Variants in SLC35F1 observed in about 807,000 individuals in gnomAD.
SLC35F1 encodes solute carrier family 35 member F1.
SLC35F1 carries 14 observed loss-of-function variants against 48.7 expected under a neutral mutation model. The observed-to-expected ratio is 0.29, with a 90% CI of 0.19 to 0.45. The LOEUF is 0.45. Among genes scored for constraint, SLC35F1 ranks in the 20% least tolerant of loss-of-function variants. The probability of loss-of-function intolerance (pLI) is 1.00; values close to 1 mark genes in which losing one functional copy is unlikely to be tolerated. For missense variants in SLC35F1, 404 were observed against 500.0 expected (o/e 0.81, Z 1.83); for synonymous variants, 190 against 202.2 (o/e 0.94, Z 0.51).
chr6:117,919,956 A>G (rs1040541401), intron 1 of SLC35F1, among the ~76,000 whole-genome samples: 7 of 152,138 alleles, frequency 4.6e-5, no homozygotes, highest in Non-Finnish European at 1.0e-4. Flanking sequence ...TGGGCCTAAA[A>G]GGCTCCACAG....
intron 1 of SLC35F1, among the ~76,000 whole-genome samples, chr6:118,131,783 A>ATATT (rs1773715784): frequency 1.3e-5 from 2 of 151,326 alleles, no homozygotes; most frequent in Admixed American, 6.6e-5. Context: ...TATACTAATT[A>ATATT]TATTATATTA....
At chr6:118,313,526 A>G (rs1004704187) in intron 7 of SLC35F1, among the ~76,000 whole-genome samples, 1 of 152,224 alleles carries the variant, frequency 6.6e-6, no homozygotes, top group Non-Finnish European at 1.5e-5. Flanking sequence ...GTCAGTAACA[A>G]TTCCTCTTAG....
intron 2 of SLC35F1, among the ~76,000 whole-genome samples, chr6:118,221,318 C>A (rs959673817): frequency 6.6e-6 from 1 of 152,122 alleles, no homozygotes; most frequent in African/African-American, 2.4e-5. Flanking sequence ...AGCACAAGGG[C>A]AAGGCACCTC....
intron 1 of SLC35F1, among the ~76,000 whole-genome samples, chr6:117,963,083 A>G (rs1156791080): frequency 6.6e-6 from 1 of 152,162 alleles, no homozygotes; most frequent in East Asian, 1.9e-4. Flanking sequence ...AACACTTGCC[A>G]ATTTCCGTGA....
chr6:118,154,172 G>A (rs530044180), intron 1 of SLC35F1, among the ~76,000 whole-genome samples: 7 of 152,114 alleles, frequency 4.6e-5, no homozygotes, highest in South Asian at 2.1e-4. Context: ...AGGCTCTTTC[G>A]GAGAGATTTG....
chr6:117,926,548 G>A (rs1275555442), intron 1 of SLC35F1, among the ~76,000 whole-genome samples: 2 of 152,100 alleles, frequency 1.3e-5, no homozygotes, highest in African/African-American at 2.4e-5. Flanking sequence ...GCACATATGT[G>A]GTGGCAGTGG....
At chr6:118,104,297 G>A (rs1773299391) in intron 1 of SLC35F1, among the ~76,000 whole-genome samples, 1 of 152,112 alleles carries the variant, frequency 6.6e-6, no homozygotes, top group African/African-American at 2.4e-5. Flanking sequence ...TCTAGAATAA[G>A]TCTGAACAGG....
intron 1 of SLC35F1, among the ~76,000 whole-genome samples, chr6:118,132,590 TAATA>T (rs1773731083): frequency 6.6e-6 from 1 of 152,246 alleles, no homozygotes; most frequent in South Asian, 2.1e-4. Context: ...AGTAAATGCT[TAATA>T]AATGTTAACT....
chr6:118,173,413 A>G (rs573880045), intron 2 of SLC35F1, among the ~76,000 whole-genome samples: 3 of 151,726 alleles, frequency 2.0e-5, no homozygotes, highest in African/African-American at 7.3e-5. Context: ...CAAAAAAAAA[A>G]CAGCCAAAAC....
intron 1 of SLC35F1, among the ~76,000 whole-genome samples, chr6:118,099,133 G>T (rs184927369): frequency 2.1e-3 from 313 of 152,310 alleles, no homozygotes; most frequent in Non-Finnish European, 3.7e-3. Context: ...TGACATTTGA[G>T]CAGGAAGGTG....
chr6:118,070,321 A>T (rs6928405), intron 1 of SLC35F1, among the ~76,000 whole-genome samples: 147,826 of 152,180 alleles, frequency 0.97, 71,941 homozygotes, highest in East Asian at 1. Context: ...GTAAATCTTA[A>T]CAAGTGAGTT....
chr6:118,196,559 T>C (rs576107155), intron 2 of SLC35F1, among the ~76,000 whole-genome samples: 1 of 151,950 alleles, frequency 6.6e-6, no homozygotes, highest in African/African-American at 2.4e-5. Context: ...CTACTAAAGA[T>C]ACAAAAATTA....
chr6:118,084,944 G>A (rs1250593176), intron 1 of SLC35F1, among the ~76,000 whole-genome samples: 1 of 152,066 alleles, frequency 6.6e-6, no homozygotes, highest in African/African-American at 2.4e-5. Context: ...CCTGCCCTCA[G>A]CCAATATCAC....
At chr6:118,256,008 G>C (rs1014595592) in intron 3 of SLC35F1, among the ~76,000 whole-genome samples, 1 of 152,054 alleles carries the variant, frequency 6.6e-6, no homozygotes, top group African/African-American at 2.4e-5. Flanking sequence ...GGTGGTGGCT[G>C]TCTACCAAAA....
intron 1 of SLC35F1, among the ~76,000 whole-genome samples, chr6:118,000,481 C>T (rs1426379728): frequency 3.9e-5 from 6 of 152,250 alleles, no homozygotes; most frequent in South Asian, 4.2e-4. Context: ...GACAAACCCA[C>T]GGCCAATATC....
At chr6:118,115,412 G>A (rs965347619) in intron 1 of SLC35F1, among the ~76,000 whole-genome samples, 21 of 152,156 alleles carry the variant, frequency 1.4e-4, no homozygotes, top group African/African-American at 5.1e-4. Context: ...AGGACAGAGT[G>A]GTGGTTTTAA....
chr6:118,039,090 T>A (rs1319825480), intron 1 of SLC35F1, among the ~76,000 whole-genome samples: 1 of 152,206 alleles, frequency 6.6e-6, no homozygotes, highest in Admixed American at 6.5e-5. Context: ...GAAGAAAATG[T>A]CTTTATTTTG....
At chr6:117,957,372 G>C (rs943688342) in intron 1 of SLC35F1, among the ~76,000 whole-genome samples, 2 of 152,126 alleles carry the variant, frequency 1.3e-5, no homozygotes, top group African/African-American at 4.8e-5. Flanking sequence ...AGAAAAAAGA[G>C]CATCAAAGTG....
At chr6:118,125,991 A>G (rs1773618539) in intron 1 of SLC35F1, among the ~76,000 whole-genome samples, 1 of 152,170 alleles carries the variant, frequency 6.6e-6, no homozygotes, top group Non-Finnish European at 1.5e-5. Context: ...GCGTTTGGCC[A>G]TGGAAATGCT....
Sources: gnomAD v4.1 joint callset for allele counts (sites outside exome capture counted in the v4.1 genomes callset) on GRCh38, gnomAD v4.1.1 for gene constraint, MANE v1.5 for transcripts, NCBI Gene and HGNC (gene_info 2026-07-23, HGNC 2026-07-21) for gene names.